Variants in DLG2 observed in about 807,000 individuals in gnomAD.
The protein encoded by DLG2 is discs large MAGUK scaffold protein 2, also known as disks large homolog 2.
In DLG2, 45 loss-of-function variants were observed where a neutral mutation model predicts 132.5. The ratio of observed to expected loss-of-function variants is 0.34; its 90% CI spans 0.27 to 0.44. The LOEUF (loss-of-function observed/expected upper bound fraction) is 0.44, where lower values mean the gene tolerates loss of function less well. Among genes scored for constraint, DLG2 ranks in the 20% least tolerant of loss-of-function variants. The pLI is 1.00. For synonymous variants in DLG2, 424 were observed against 419.6 expected (o/e 1.01, Z -0.13); for missense variants, 1,045 against 1,196.9 (o/e 0.87, Z 1.87).
intron 6 of DLG2, among the ~76,000 whole-genome samples, chr11:84,776,111 T>C (rs1013350742): frequency 1.3e-5 from 2 of 152,312 alleles, no homozygotes; most frequent in East Asian, 3.9e-4. Flanking sequence ...CCCTCCTTTT[T>C]GTTTATTGAG....
chr11:85,603,741 C>A lies in DLG2; in HGVS notation c.-92-4953G>T, dbSNP rs191790351. ...GACCAGCCTGGGCAACAGAGCAAAA[C>A]CCTTTCTCTACAACAAAATTTTAAA... On this transcript the variant is annotated intron_variant, in intron 2 of 27. Coordinates refer to ENST00000376104, the MANE Select transcript of DLG2 (RefSeq NM_001142699.3). Among the ~76,000 whole-genome samples, 302 of 152,160 alleles carry A rather than the reference C, an allele frequency of 2.0e-3. 2 individuals carry two copies. Among genetic ancestry groups the A allele is most frequent in the Non-Finnish European group, 1.4e-3 (97 of 68,006 alleles).
chr11:83,677,921 G>T (rs1423951907), intron 18 of DLG2, among the ~76,000 whole-genome samples: 1 of 152,174 alleles, frequency 6.6e-6, no homozygotes, highest in Non-Finnish European at 1.5e-5. Context: ...CCTACAGGCG[G>T]AACCTCCCCT....
chr11:84,589,894 C>G (rs2099538817), intron 6 of DLG2, among the ~76,000 whole-genome samples: 1 of 152,132 alleles, frequency 6.6e-6, no homozygotes. Context: ...AATACATTTC[C>G]CTTGAAGTGT....
At chr11:83,668,684 TATATATATGTGTATATAAACAC>T (rs71066057) in intron 18 of DLG2, among the ~76,000 whole-genome samples, 80,726 of 123,300 alleles carry the variant, frequency 0.65, 27,573 homozygotes, top group African/African-American at 0.76. Flanking sequence ...TATGTATGTG[TATATATATGTGTATATAAACAC>T]ATATATATGT....
intron 5 of DLG2, among the ~76,000 whole-genome samples, chr11:85,112,900 T>C (rs748694015): frequency 3.3e-5 from 5 of 152,098 alleles, no homozygotes; most frequent in Non-Finnish European, 7.4e-5. Context: ...TTTTATCTAA[T>C]GAATGATCCT....
intron 18 of DLG2, among the ~76,000 whole-genome samples, chr11:83,649,835 T>C (rs2069519609): frequency 6.6e-6 from 1 of 152,194 alleles, no homozygotes; most frequent in African/African-American, 2.4e-5. Flanking sequence ...TGTCTGTTTT[T>C]CCTCCATGAT....
chr11:85,416,457 AG>A (rs1233815058), intron 3 of DLG2, among the ~76,000 whole-genome samples: 1 of 152,136 alleles, frequency 6.6e-6, no homozygotes, highest in East Asian at 1.9e-4. Context: ...AATTTAAAGA[AG>A]TTTTTTTTAA....
intron 13 of DLG2, among the ~76,000 whole-genome samples, chr11:83,964,895 G>T (rs2089837425): frequency 6.6e-6 from 1 of 151,906 alleles, no homozygotes. Context: ...CCATTCAATT[G>T]CAAGATCCCC....
chr11:84,411,849 C>T (rs1190987835), intron 7 of DLG2, among the ~76,000 whole-genome samples: 5 of 152,168 alleles, frequency 3.3e-5, no homozygotes, highest in Non-Finnish European at 5.9e-5. Context: ...AATGAACAAA[C>T]CATAGACTGA....
chr11:84,089,112 A>T (rs1444342929), intron 10 of DLG2, among the ~76,000 whole-genome samples: 1 of 152,138 alleles, frequency 6.6e-6, no homozygotes, highest in African/African-American at 2.4e-5. Flanking sequence ...ATGACAGTTC[A>T]GTATGGAGAG....
intron 9 of DLG2, among the ~76,000 whole-genome samples, chr11:84,134,889 C>G (rs534583083): frequency 5.9e-5 from 9 of 151,962 alleles, no homozygotes; most frequent in Non-Finnish European, 1.2e-4. Context: ...GTAGTCATTA[C>G]AGCACCCACC....
chr11:84,043,947 T>C (rs2096172919), intron 11 of DLG2, among the ~76,000 whole-genome samples: 1 of 151,744 alleles, frequency 6.6e-6, no homozygotes, highest in African/African-American at 2.4e-5. Flanking sequence ...GCATAAATCA[T>C]GAGCAATTAA....
At chr11:83,611,063 C>CA (rs374191153) in intron 19 of DLG2, among the ~76,000 whole-genome samples, 7 of 151,690 alleles carry the variant, frequency 4.6e-5, no homozygotes, top group Non-Finnish European at 7.4e-5. Flanking sequence ...TTATTTTCCA[C>CA]AAAAAAAATC....
At chr11:85,064,433 T>C (rs775873251) in intron 6 of DLG2, among the ~76,000 whole-genome samples, 1 of 151,766 alleles carries the variant, frequency 6.6e-6, no homozygotes, top group Non-Finnish European at 1.5e-5. Context: ...GCAGTAATTG[T>C]TCAAGCTAAA....
Position 83,988,855 on chromosome 11 carries a change from C to T in DLG2, c.920-8213G>A, listed in dbSNP as rs558958871. Among the ~76,000 whole-genome samples, 3 of 152,174 alleles carry T rather than the reference C, an allele frequency of 2.0e-5. No individual in the cohort carries two copies. In the South Asian group the frequency reaches 6.2e-4, roughly 32 times the overall value. ...CTTATCCTGCTCTAGTTTTCATTTT[C>T]TCTTAGCACTTATTACCTTGTAATA... On this transcript the variant is annotated intron_variant, in intron 11 of 27. Coordinates refer to ENST00000376104, the MANE Select transcript of DLG2 (RefSeq NM_001142699.3).
rs75367345 is a variant in DLG2, at chr11:84,818,937, T to C, written c.358-284206A>G. Among the ~76,000 whole-genome samples the C allele has an allele frequency of 4.9e-4, 74 of 151,764 alleles. No homozygotes were observed. In the East Asian group the frequency reaches 0.013, roughly 28 times the overall value. The stretch of plus-strand genomic sequence containing the variant: ...TTCATAATTTCCAGGCAGTCCATTA[T>C]CATCATTGCTGAGATCAGCCATCTG... On this transcript the variant is annotated intron_variant, in intron 6 of 27. Coordinates refer to ENST00000376104, the MANE Select transcript of DLG2 (RefSeq NM_001142699.3).
At chr11:84,638,390 G>A (rs2099644309) in intron 6 of DLG2, among the ~76,000 whole-genome samples, 1 of 152,160 alleles carries the variant, frequency 6.6e-6, no homozygotes, top group South Asian at 2.1e-4. Context: ...TATGTGCCAA[G>A]CACTGTCCTA....
At chr11:84,805,797 A>AT (rs200798965) in intron 6 of DLG2, among the ~76,000 whole-genome samples, 12 of 151,592 alleles carry the variant, frequency 7.9e-5, no homozygotes, top group East Asian at 5.8e-4. Context: ...ACATTCAAAC[A>AT]TTTTTTTTTA....
At chr11:84,962,072 A>G (rs947502483) in intron 6 of DLG2, among the ~76,000 whole-genome samples, 4 of 152,272 alleles carry the variant, frequency 2.6e-5, no homozygotes, top group African/African-American at 9.6e-5. Flanking sequence ...TTAGATTATT[A>G]ACCCTCACAA....
Sources: allele counts gnomAD v4.1 joint callset (sites outside exome capture counted in the v4.1 genomes callset), GRCh38; gene constraint gnomAD v4.1.1; transcripts MANE v1.5; gene names NCBI Gene and HGNC (gene_info 2026-07-23, HGNC 2026-07-21).